DLC1: variants seen among roughly 807,000 people sequenced by gnomAD.
The protein encoded by DLC1 is rho GTPase-activating protein 7.
Under a neutral mutation model 140.3 loss-of-function variants are expected in DLC1, and 54 were observed. The ratio of observed to expected loss-of-function variants is 0.38; its 90% CI spans 0.31 to 0.48. The LOEUF (loss-of-function observed/expected upper bound fraction) is 0.48. Among genes scored for constraint, DLC1 ranks in the 20% least tolerant of loss-of-function variants. DLC1 has a pLI of 0.96. For missense variants in DLC1, 2,536 were observed against 1,907.0 expected, an observed-to-expected ratio of 1.33 and a Z score of -6.14; for synonymous variants, 986 against 728.1, an observed-to-expected ratio of 1.35 and a Z score of -5.70.
intron 2 of DLC1, among the ~76,000 whole-genome samples, chr8:13,419,339 T>C (rs1282409037): frequency 4.6e-5 from 7 of 152,108 alleles, no homozygotes; most frequent in Non-Finnish European, 8.8e-5. Context: ...CAGTATGATA[T>C]TGGCTGTGGG....
chr8:13,485,692 A>G (rs1156783759), intron 2 of DLC1, among the ~76,000 whole-genome samples: 1 of 152,250 alleles, frequency 6.6e-6, no homozygotes. Context: ...CATAACCCAC[A>G]CAACTATTGT....
At chr8:13,394,984 G>A (rs1461234390) in intron 3 of DLC1, among the ~76,000 whole-genome samples, 1 of 117,876 alleles carries the variant, frequency 8.5e-6, no homozygotes, top group Non-Finnish European at 2.0e-5. Context: ...AATCCTCTTT[G>A]CTTGCTAATC....
At position 13,225,231 on chromosome 8, in the gene DLC1, G is replaced by A. The variant is rs1027775023; in HGVS notation, c.1348+80038C>T. Among the ~76,000 whole-genome samples, 3 of 152,214 alleles carry A rather than the reference G, an allele frequency of 2.0e-5. No homozygotes were observed. The South Asian group carries it at 6.2e-4, about 31-fold the overall frequency. The stretch of plus-strand genomic sequence containing the variant: ...AAAAGTGATTCTTGACAGAGAACAA[G>A]TTTCCGTGGGATTGCTGAAGTGGCC... On this transcript the variant is annotated intron_variant, in intron 5 of 17. Transcript: ENST00000276297.
At position 13,499,324 on chromosome 8, in the gene DLC1, AG is replaced by A. The variant is rs765495720; in HGVS notation, c.747del (p.Cys250AlafsTer3). The A allele has an allele frequency of 6.2e-7, 1 of 1,614,038 alleles. No individual in the cohort carries two copies. Among genetic ancestry groups the A allele is most frequent in the Non-Finnish European group, 8.5e-7 (1 of 1,180,014 alleles). On this transcript the variant is annotated frameshift_variant, in exon 2 of 18. Coordinates refer to ENST00000276297, the MANE Select transcript of DLC1 (RefSeq NM_182643.3). LOFTEE classifies it high-confidence loss of function. Reference protein sequence around the residue: ...DPPKDENERSTCNVVQNEFLD... With the variant: ...DPPKDENERSXCNVVQNEFLD... ...AAGAACTCATTTTGTACTACATTGC[AG>A]GTGCTTCTTTCATTTTCATCTTTAG...
intron 5 of DLC1, among the ~76,000 whole-genome samples, chr8:13,283,075 G>A (rs1831418831): frequency 6.6e-6 from 1 of 152,058 alleles, no homozygotes; most frequent in African/African-American, 2.4e-5. Flanking sequence ...AATATACTCA[G>A]GCATATACAT....
chr8:13,595,526 C>G (rs1367797760), intron 1 of DLC1, among the ~76,000 whole-genome samples: 2 of 151,992 alleles, frequency 1.3e-5, no homozygotes, highest in African/African-American at 2.4e-5. Flanking sequence ...GAGATAAATA[C>G]CAGATAAATG....
chr8:13,599,621 A>G lies in DLC1; in HGVS notation c.-126+4916T>C, dbSNP rs372755790. On this transcript the variant is annotated intron_variant, in intron 1 of 1. Transcript: ENST00000631382. Reference sequence around the variant, plus strand: ...GAAGTTGAAGAAGTCATTTATGAAGAAAATTGTAAAACAATGAGAGATATT... The same window carrying G: ...GAAGTTGAAGAAGTCATTTATGAAGGAAATTGTAAAACAATGAGAGATATT... Among the ~76,000 whole-genome samples, 167 of 152,132 alleles carry G rather than the reference A, an allele frequency of 1.1e-3. 1 individual carries two copies. Among genetic ancestry groups the G allele is most frequent in the South Asian group, 5.2e-3 (25 of 4,830 alleles).
At chr8:13,346,063 A>G (rs1834320752) in intron 4 of DLC1, among the ~76,000 whole-genome samples, 1 of 152,222 alleles carries the variant, frequency 6.6e-6, no homozygotes, top group South Asian at 2.1e-4. Flanking sequence ...TTCATAAGCT[A>G]GATACTTGTC....
intron 5 of DLC1, chr8:13,133,423 G>T: frequency 7.6e-6 from 4 of 525,396 alleles, no homozygotes; most frequent in Non-Finnish European, 9.4e-6. Flanking sequence ...CTCCGGCCCC[G>T]CCCCATTCCC....
At chr8:13,581,252 T>C (rs1386806309) in intron 1 of DLC1, among the ~76,000 whole-genome samples, 4 of 152,200 alleles carry the variant, frequency 2.6e-5, no homozygotes, top group African/African-American at 9.7e-5. Flanking sequence ...ATTTGTTCAA[T>C]ATCAGTGCAC....
Position 13,190,279 on chromosome 8 carries a change from G to T in DLC1, c.1349-74622C>A, listed in dbSNP as rs533809648. 3.3e-5 allele frequency among the ~76,000 whole-genome samples: 5 copies of T among 152,172 alleles called. 1 individual carries two copies. The South Asian group carries it at 1.0e-3, about 32-fold the overall frequency. ...ACGAGTGGCTGTGGCTACCCTCTTG[G>T]CCATTGCAGGCTTTGGAGATATCTA... On this transcript the variant is annotated intron_variant, in intron 5 of 17. Transcript: ENST00000276297.
intron 1 of DLC1, among the ~76,000 whole-genome samples, chr8:13,564,070 C>T (rs1019726461): frequency 3.3e-5 from 5 of 151,946 alleles, no homozygotes; most frequent in African/African-American, 1.2e-4. Context: ...TTATCATTTT[C>T]TTTTTTAAAA....
intron 5 of DLC1, among the ~76,000 whole-genome samples, chr8:13,134,834 C>T (rs997383193): frequency 6.6e-6 from 1 of 152,186 alleles, no homozygotes; most frequent in Non-Finnish European, 1.5e-5. Context: ...CCACTACTGG[C>T]TCCCTAATTT....
At chr8:13,416,139 G>T (rs1172761291) in intron 2 of DLC1, among the ~76,000 whole-genome samples, 1 of 152,068 alleles carries the variant, frequency 6.6e-6, no homozygotes, top group Admixed American at 6.5e-5. Context: ...GGCGTCTAGG[G>T]GTCCCATGTT....
At chr8:13,236,523 C>G (rs759026757) in intron 5 of DLC1, among the ~76,000 whole-genome samples, 1 of 152,006 alleles carries the variant, frequency 6.6e-6, no homozygotes, top group Non-Finnish European at 1.5e-5. Flanking sequence ...AAATTATGGA[C>G]AATAATTAGT....
intron 5 of DLC1, among the ~76,000 whole-genome samples, chr8:13,191,111 A>C (rs1826727473): frequency 6.6e-6 from 1 of 152,236 alleles, no homozygotes; most frequent in Non-Finnish European, 1.5e-5. Flanking sequence ...GAAATTACAA[A>C]TGACTGGTAA....
chr8:13,272,578 C>G (rs1192697396), intron 5 of DLC1, among the ~76,000 whole-genome samples: 1 of 152,050 alleles, frequency 6.6e-6, no homozygotes, highest in Non-Finnish European at 1.5e-5. Flanking sequence ...TAGCTTTTAA[C>G]TGGCTGGGTG....
At chr8:13,092,510 T>C in intron 13 of DLC1, 102 bp downstream of exon 13, 2 of 1,320,348 alleles carry the variant, frequency 1.5e-6, no homozygotes, top group Non-Finnish European at 2.1e-6. Context: ...CTAACCTTCT[T>C]GCTTGTTTCA....
At chr8:13,586,037 C>T (rs944545712) in intron 1 of DLC1, among the ~76,000 whole-genome samples, 4 of 152,128 alleles carry the variant, frequency 2.6e-5, no homozygotes, top group Non-Finnish European at 4.4e-5. Flanking sequence ...GAATGATTCT[C>T]AACCATGGCT....
Sources: allele counts gnomAD v4.1 joint callset (sites outside exome capture counted in the v4.1 genomes callset), GRCh38; gene constraint gnomAD v4.1.1; transcripts MANE v1.5; gene names NCBI Gene and HGNC (gene_info 2026-07-23, HGNC 2026-07-21).